The following WDR7 variants were observed in gnomAD, a reference collection of about 807,000 sequenced individuals.
WDR7 encodes WD repeat domain 7, also known as WD repeat-containing protein 7.
WDR7 carries 46 observed loss-of-function variants against 169.4 expected under a neutral mutation model. The ratio of observed to expected loss-of-function variants is 0.27; its 90% CI spans 0.21 to 0.35. The LOEUF is 0.35. Ranked by LOEUF, WDR7 falls within the 10% of genes least tolerant of loss-of-function variation. WDR7 has a pLI of 1.00. For missense variants in WDR7, 1,534 were observed against 1,859.3 expected, an observed-to-expected ratio of 0.83 and a Z score of 3.22; for synonymous variants, 612 against 666.8, an observed-to-expected ratio of 0.92 and a Z score of 1.27.
At chr18:56,993,296 TA>T in intron 26 of WDR7, among the ~76,000 whole-genome samples, 1 of 152,328 alleles carries the variant, frequency 6.6e-6, no homozygotes, top group East Asian at 1.9e-4. Flanking sequence ...AGTTTCTACC[TA>T]ATACTTAGCT....
intron 16 of WDR7, among the ~76,000 whole-genome samples, chr18:56,762,314 C>A (rs2043991421): frequency 6.6e-6 from 1 of 151,258 alleles, no homozygotes; most frequent in African/African-American, 2.4e-5. Flanking sequence ...GGAATGTTTT[C>A]TTTTTTTTCT....
intron 20 of WDR7, among the ~76,000 whole-genome samples, chr18:56,859,766 GT>G (rs1302515031): frequency 6.6e-6 from 1 of 152,144 alleles, no homozygotes; most frequent in Admixed American, 6.5e-5. Context: ...TAGGTCTTTT[GT>G]TAACACGTCT....
chr18:56,680,809 T>G (rs751505875), intron 3 of WDR7, among the ~76,000 whole-genome samples: 2 of 152,224 alleles, frequency 1.3e-5, no homozygotes, highest in Non-Finnish European at 2.9e-5. Flanking sequence ...TTTTTGCAGT[T>G]TGAAATTCTC....
At chr18:56,689,195 T>C (rs1450587340) in intron 7 of WDR7, among the ~76,000 whole-genome samples, 2 of 152,208 alleles carry the variant, frequency 1.3e-5, no homozygotes, top group African/African-American at 4.8e-5. Flanking sequence ...AAGTTTTCAA[T>C]TGGGCTTACC....
At chr18:56,953,116 A>T (rs1421795275) in intron 25 of WDR7, among the ~76,000 whole-genome samples, 1 of 152,198 alleles carries the variant, frequency 6.6e-6, no homozygotes, top group Non-Finnish European at 1.5e-5. Flanking sequence ...GAGGATATTG[A>T]TAGTGGGGGA....
intron 20 of WDR7, among the ~76,000 whole-genome samples, chr18:56,849,499 G>T (rs1411414573): frequency 6.6e-6 from 1 of 152,098 alleles, no homozygotes; most frequent in African/African-American, 2.4e-5. Context: ...CTTTAGCCCA[G>T]TTCTGGGGTC....
At chr18:56,917,467 G>A (rs1568265861) in intron 21 of WDR7, among the ~76,000 whole-genome samples, 1 of 152,192 alleles carries the variant, frequency 6.6e-6, no homozygotes, top group African/African-American at 2.4e-5. Flanking sequence ...AATTGAGTCT[G>A]TGCTTTGTGA....
chr18:56,992,829 C>G (rs914055017), intron 26 of WDR7, among the ~76,000 whole-genome samples: 2 of 152,142 alleles, frequency 1.3e-5, no homozygotes, highest in African/African-American at 4.8e-5. Context: ...TTAAAAGAAC[C>G]TACAGCATGC....
intron 19 of WDR7, among the ~76,000 whole-genome samples, chr18:56,791,473 G>A (rs947995525): frequency 1.4e-4 from 21 of 152,038 alleles, no homozygotes; most frequent in African/African-American, 4.8e-4. Context: ...TCTAGCAGGT[G>A]GCTACTATGT....
intron 14 of WDR7, among the ~76,000 whole-genome samples, chr18:56,748,043 G>A (rs1266445370): frequency 1.1e-4 from 16 of 152,062 alleles, no homozygotes; most frequent in Admixed American, 1.0e-3. Flanking sequence ...GTTATACTAG[G>A]AGCTCTTTGG....
At position 56,781,518 on chromosome 18, in the gene WDR7, G is replaced by A; in HGVS notation, c.3067-15G>A. On this transcript the variant is annotated splice_polypyrimidine_tract_variant and intron_variant, in intron 18 of 27. Transcript: ENST00000254442. ...AATCTGCTTTCTGCTTTTACATTTGGGTCTGTGGTCTTAGGTGAGAGAAGC... is the reference window on the plus strand; with the variant it reads ...AATCTGCTTTCTGCTTTTACATTTGAGTCTGTGGTCTTAGGTGAGAGAAGC... 6.3e-7 allele frequency: 1 copy of A among 1,577,468 alleles called. No homozygotes were observed. The highest frequency in any genetic ancestry group is 8.6e-7 in the Non-Finnish European group (1 of 1,161,660).
At chr18:56,943,003 C>T (rs9963043) in intron 25 of WDR7, among the ~76,000 whole-genome samples, 18,112 of 152,158 alleles carry the variant, frequency 0.12, 3,498 homozygotes, top group African/African-American at 0.41. Flanking sequence ...TAAATGTGAG[C>T]TGCAATAGAT....
At chr18:56,697,991 C>T (rs1238798908) in intron 12 of WDR7, among the ~76,000 whole-genome samples, 5 of 150,718 alleles carry the variant, frequency 3.3e-5, no homozygotes, top group African/African-American at 4.9e-5. Flanking sequence ...GTTGGGAGTT[C>T]GAGAACAGCC....
chr18:56,741,907 A>G (rs1751616025), intron 14 of WDR7, among the ~76,000 whole-genome samples: 1 of 152,202 alleles, frequency 6.6e-6, no homozygotes, highest in Non-Finnish European at 1.5e-5. Context: ...CCATCAAATA[A>G]TGACATATAC....
chr18:56,817,586 C>T lies in WDR7; in HGVS notation c.3304+1442C>T, dbSNP rs376059311. ...AATGAGATGATGATGGTGGCTATTACTTTTAAATTCTTTTTAGTGTGTAAG... is the reference window on the plus strand; with the variant it reads ...AATGAGATGATGATGGTGGCTATTATTTTTAAATTCTTTTTAGTGTGTAAG... On this transcript the variant is annotated intron_variant, in intron 20 of 27. Coordinates refer to ENST00000254442, the MANE Select transcript of WDR7 (RefSeq NM_015285.3). Among the ~76,000 whole-genome samples, 86 of 152,148 alleles carry T rather than the reference C, an allele frequency of 5.7e-4. No individual in the cohort carries two copies. The East Asian group carries it at 0.013, about 23-fold the overall frequency.
intron 26 of WDR7, among the ~76,000 whole-genome samples, chr18:56,984,698 T>C (rs2047689350): frequency 6.6e-6 from 1 of 152,208 alleles, no homozygotes; most frequent in Non-Finnish European, 1.5e-5. Context: ...AATGAAACCT[T>C]CCCCTGGGTT....
rs2025700992 is a variant in WDR7 at position 56,696,256 on chromosome 18, A to G, written c.1372A>G (p.Arg458Gly). The G allele has an allele frequency of 6.2e-7, 1 of 1,611,582 alleles. No homozygotes were observed. The highest frequency in any genetic ancestry group is 8.5e-7 in the Non-Finnish European group (1 of 1,178,632). Residue 458 changes from arginine to glycine, a missense_variant, in exon 12 of 28, where the codon AGA (arginine) becomes GGA (glycine). Physicochemically the swap from Arg to Gly is moderately radical, Grantham distance 125. Coordinates refer to ENST00000254442, the MANE Select transcript of WDR7 (RefSeq NM_015285.3). ...CTCATTCACAGGTTGGCCACCTCAC[A>G]GAACACTCCGTGGTCATCGGAACAA... Reference protein sequence around the residue: ...HMLRRGWPPHRTLRGHRNKVT... With the variant: ...HMLRRGWPPHGTLRGHRNKVT...
rs144779112 is a variant in WDR7, at chr18:56,760,009, C to G, written c.2848+1056C>G. On this transcript the variant is annotated intron_variant, in intron 16 of 27. Transcript: ENST00000254442. ...TCTATGCCATTTCTATCCATCATTT[C>G]CAAACCCACACAGTCACCCTTCTCA... Among the ~76,000 whole-genome samples, 315 of 152,254 alleles carry G rather than the reference C, an allele frequency of 2.1e-3. 1 individual carries two copies. Among genetic ancestry groups the G allele is most frequent in the African/African-American group, 7.1e-3 (296 of 41,556 alleles).
chr18:56,924,675 A>G (rs1439083395), intron 22 of WDR7, among the ~76,000 whole-genome samples: 1 of 152,216 alleles, frequency 6.6e-6, no homozygotes, highest in East Asian at 1.9e-4. Context: ...CCAACTGACT[A>G]GGATTGATGG....
Sources: allele counts gnomAD v4.1 joint callset (sites outside exome capture counted in the v4.1 genomes callset), GRCh38; gene constraint gnomAD v4.1.1; transcripts MANE v1.5; gene names NCBI Gene and HGNC (gene_info 2026-07-23, HGNC 2026-07-21).